CIBAR1: variants seen among roughly 807,000 people sequenced by gnomAD.
CIBAR1 encodes CBY1 interacting BAR domain containing 1, also known as CBY1-interacting BAR domain-containing protein 1.
CIBAR1 carries 25 observed loss-of-function variants against 44.0 expected under a neutral mutation model. That is an observed-to-expected ratio of 0.57 (90% CI 0.41 to 0.79). The LOEUF (loss-of-function observed/expected upper bound fraction) is 0.79. CIBAR1 is among the 30% of genes least tolerant of loss of function. The pLI is 0.00. For missense variants in CIBAR1, 278 were observed against 344.8 expected, an observed-to-expected ratio of 0.81 and a Z score of 1.53; for synonymous variants, 115 against 119.0, an observed-to-expected ratio of 0.97 and a Z score of 0.22.
chr8:93,726,738 G>C (rs922424630), intron 8 of CIBAR1: 2 of 487,368 alleles, frequency 4.1e-6, no homozygotes, highest in African/African-American at 3.9e-5. Flanking sequence ...CATAACACTT[G>C]AGAGCAGAAG....
At chr8:93,724,638 T>C in intron 7 of CIBAR1, 1 of 1,203,680 alleles carries the variant, frequency 8.3e-7, no homozygotes, top group South Asian at 1.5e-5. Context: ...AGTTTGGTCT[T>C]CTAGGTAAAA....
At chr8:93,726,296 TTG>T in intron 7 of CIBAR1, 96 bp from the exon 8 acceptor site, 1 of 1,085,070 alleles carries the variant, frequency 9.2e-7, no homozygotes. Flanking sequence ...TTGGGGGGAG[TTG>T]TTTTTTTAAA....
intron 2 of CIBAR1, 41 bp from the exon 3 acceptor site, chr8:93,703,579 T>C: frequency 1.6e-6 from 2 of 1,224,364 alleles, no homozygotes; most frequent in Non-Finnish European, 2.3e-6. Flanking sequence ...TAGGTTAAAA[T>C]GTTAAACGTT....
intron 7 of CIBAR1, among the ~76,000 whole-genome samples, chr8:93,722,247 G>A (rs1194893414): frequency 6.6e-6 from 1 of 152,214 alleles, no homozygotes; most frequent in Non-Finnish European, 1.5e-5. Flanking sequence ...TTGGAAAGAA[G>A]TAAAGAAAAC....
intron 1 of CIBAR1, chr8:93,700,933 G>T (rs1563636597): frequency 7.3e-7 from 1 of 1,376,714 alleles, no homozygotes; most frequent in Non-Finnish European, 9.3e-7. Flanking sequence ...CAGTGCGGAA[G>T]CCTAGGAGGC....
At chr8:93,711,275 T>C (rs1810813774) in intron 6 of CIBAR1, among the ~76,000 whole-genome samples, 1 of 152,340 alleles carries the variant, frequency 6.6e-6, no homozygotes, top group Non-Finnish European at 1.5e-5. Context: ...TGTTTGTTTT[T>C]ATTTTACTAC....
At chr8:93,723,452 C>G (rs774540710) in intron 7 of CIBAR1, among the ~76,000 whole-genome samples, 3 of 152,068 alleles carry the variant, frequency 2.0e-5, no homozygotes, top group Admixed American at 6.5e-5. Context: ...TGACTCCTTC[C>G]GTGTCCTGAA....
intron 7 of CIBAR1, among the ~76,000 whole-genome samples, chr8:93,725,565 G>A (rs1432606574): frequency 2.0e-5 from 3 of 151,590 alleles, no homozygotes; most frequent in Non-Finnish European, 4.4e-5. Context: ...AGATGAAGTC[G>A]AATATTCAAG....
At chr8:93,718,483 A>G (rs1253403177) in intron 6 of CIBAR1, among the ~76,000 whole-genome samples, 192 bp from the exon 7 acceptor site, 3 of 152,220 alleles carry the variant, frequency 2.0e-5, no homozygotes, top group Admixed American at 6.5e-5. Flanking sequence ...AATACTTTGT[A>G]TTATTTGAAG....
At chr8:93,724,950 A>G (rs114776891) in intron 7 of CIBAR1, among the ~76,000 whole-genome samples, 46 of 152,286 alleles carry the variant, frequency 3.0e-4, no homozygotes, top group African/African-American at 9.9e-4. Context: ...GTTGAAGGGT[A>G]GTCATTAACA....
At chr8:93,720,444 ATTTG>A (rs1401611076) in intron 7 of CIBAR1, among the ~76,000 whole-genome samples, 3 of 152,162 alleles carry the variant, frequency 2.0e-5, no homozygotes, top group Non-Finnish European at 1.5e-5. Context: ...TCAAAATCTA[ATTTG>A]TTTTATATCA....
intron 4 of CIBAR1, among the ~76,000 whole-genome samples, chr8:93,706,775 C>G (rs185706735): frequency 8.5e-5 from 13 of 152,244 alleles, no homozygotes; most frequent in African/African-American, 3.1e-4. Context: ...AGATCTGCAA[C>G]TTGTGTATTT....
rs779782028 is a variant in CIBAR1 at position 93,709,765 on chromosome 8, T to G, written c.439-6T>G. ...TTATATCCTTGGTTGGGGAATACTT[T>G]TGTAGGCAGAAACGGAATTACAGAG... On this transcript the variant is annotated splice_region_variant and splice_polypyrimidine_tract_variant and intron_variant, in intron 5 of 8. Coordinates refer to ENST00000518322, the MANE Select transcript of CIBAR1 (RefSeq NM_145269.5). 3.7e-6 allele frequency: 6 copies of G among 1,611,970 alleles called. No homozygotes were observed. Among genetic ancestry groups the G allele is most frequent in the African/African-American group, 1.3e-5 (1 of 75,032 alleles).
In CIBAR1 at chr8:93,730,129, A is replaced by T. The variant is rs1274516409; in HGVS notation, c.*1832A>T. 6.6e-6 allele frequency: 1 copy of T among 152,238 alleles called. No homozygotes were observed. Among genetic ancestry groups the T allele is most frequent in the Non-Finnish European group, 1.5e-5 (1 of 68,040 alleles). The allele number at this position is 152,238 out of a possible 1,614,324, so 9.4% of individuals were successfully genotyped here. A position where few individuals can be genotyped will look rare whatever the true frequency, so the allele number is the denominator to read the frequency against. ...ACCAGATTAGGAATACTCAACCTGT[A>T]GTACATTTACTAGGATTATCAGAAT... On this transcript the variant is annotated 3_prime_UTR_variant, in exon 9 of 9. Coordinates refer to ENST00000518322, the MANE Select transcript of CIBAR1 (RefSeq NM_145269.5).
intron 3 of CIBAR1, among the ~76,000 whole-genome samples, chr8:93,703,925 A>G (rs557098013): frequency 5.9e-5 from 9 of 152,170 alleles, no homozygotes; most frequent in African/African-American, 1.9e-4. Flanking sequence ...TTAGCTGGGC[A>G]TGGTGGCATG....
rs368465102 is a variant in CIBAR1 at position 93,705,336 on chromosome 8, A to G, written c.432+326A>G. The G allele has an allele frequency of 3.1e-5, 10 of 319,818 alleles. No individual in the cohort carries two copies. In the East Asian group the frequency reaches 4.2e-4, roughly 13 times the overall value. The allele number at this position is 319,818 out of a possible 1,614,324, so 19.8% of individuals were successfully genotyped here. ...ATATTAATTCTACAATTAAAGATCT[A>G]TTGTTAATCCTAATATATCAGTGTC... On this transcript the variant is annotated intron_variant, in intron 4 of 8. Coordinates refer to ENST00000518322, the MANE Select transcript of CIBAR1 (RefSeq NM_145269.5).
chr8:93,713,197 T>C (rs1376661621), intron 6 of CIBAR1, among the ~76,000 whole-genome samples: 1 of 151,978 alleles, frequency 6.6e-6, no homozygotes, highest in African/African-American at 2.4e-5. Context: ...CACACCCGGC[T>C]AATTTTTGTA....
intron 3 of CIBAR1, 29 bp from the exon 4 acceptor site, chr8:93,704,880 T>A: frequency 1.4e-6 from 2 of 1,453,426 alleles, no homozygotes; most frequent in Non-Finnish European, 9.4e-7. Flanking sequence ...GTCAGACATT[T>A]TTACTAACAA....
At chr8:93,707,011 A>G (rs1372485099) in intron 4 of CIBAR1, among the ~76,000 whole-genome samples, 2 of 152,182 alleles carry the variant, frequency 1.3e-5, no homozygotes, top group South Asian at 2.1e-4. Flanking sequence ...TCACCCCCCA[A>G]GTAGGGCTCC....
Sources: gnomAD v4.1 joint callset for allele counts (sites outside exome capture counted in the v4.1 genomes callset) on GRCh38, gnomAD v4.1.1 for gene constraint, MANE v1.5 for transcripts, NCBI Gene and HGNC (gene_info 2026-07-23, HGNC 2026-07-21) for gene names.